The following ATP13A3 variants were observed in gnomAD, a reference collection of about 807,000 sequenced individuals.
ATP13A3 encodes the protein polyamine-transporting ATPase 13A3.
Under a neutral mutation model 158.1 loss-of-function variants are expected in ATP13A3, and 59 were observed. The ratio of observed to expected loss-of-function variants is 0.37; its 90% CI spans 0.30 to 0.46. The LOEUF is 0.46. Among genes scored for constraint, ATP13A3 ranks in the 20% least tolerant of loss-of-function variants. ATP13A3 has a pLI of 1.00. For missense variants in ATP13A3, 1,166 were observed against 1,525.2 expected, an observed-to-expected ratio of 0.76 and a Z score of 3.92; for synonymous variants, 491 against 504.3, an observed-to-expected ratio of 0.97 and a Z score of 0.35.
intron 6 of ATP13A3, among the ~76,000 whole-genome samples, chr3:194,458,477 C>T (rs973655004): frequency 6.6e-6 from 1 of 152,272 alleles, no homozygotes; most frequent in Non-Finnish European, 1.5e-5. Context: ...CAACCTCCGG[C>T]CCCCTGGGTT....
chr3:194,404,735 C>T lies in ATP13A3; in HGVS notation c.*1184G>A, dbSNP rs1714820569. 1 of 152,126 alleles carries T rather than the reference C, an allele frequency of 6.6e-6. No individual in the cohort carries two copies. Among genetic ancestry groups the T allele is most frequent in the Admixed American group, 6.5e-5 (1 of 15,276 alleles). The allele number at this position is 152,126 out of a possible 1,614,324, so 9.4% of individuals were successfully genotyped here. A position where few individuals can be genotyped will look rare whatever the true frequency, so the allele number is the denominator to read the frequency against. ...GGCTCAATGAATGTCAATTTTTTAA[C>T]TTTATTTCCTCAATTTTTTTTCTCC... is the stretch of plus-strand genomic sequence containing the variant. On this transcript the variant is annotated 3_prime_UTR_variant, in exon 34 of 34. Transcript: ENST00000645319.
intron 2 of ATP13A3, 72 bp from the exon 3 acceptor site, chr3:194,462,308 C>T (rs1719719020): frequency 9.5e-7 from 1 of 1,048,566 alleles, no homozygotes; most frequent in South Asian, 1.4e-5. Context: ...TGCATTCTAT[C>T]AACTGTCTAT....
At chr3:194,421,845 A>C (rs1716405628) in intron 30 of ATP13A3, among the ~76,000 whole-genome samples, 1 of 151,422 alleles carries the variant, frequency 6.6e-6, no homozygotes, top group Non-Finnish European at 1.5e-5. Flanking sequence ...AATTCAATGA[A>C]GTAATAAGCC....
chr3:194,483,426 C>CAA (rs1228588078), intron 2 of ATP13A3, among the ~76,000 whole-genome samples: 4 of 120,382 alleles, frequency 3.3e-5, no homozygotes, highest in Non-Finnish European at 1.7e-5. Flanking sequence ...CCCACCTCTA[C>CAA]AAAAAAAAAA....
chr3:194,418,075 A>G (rs1164308547), intron 31 of ATP13A3, among the ~76,000 whole-genome samples: 1 of 152,118 alleles, frequency 6.6e-6, no homozygotes, highest in African/African-American at 2.4e-5. Context: ...GATATAAGAC[A>G]AAGGTATCAC....
At chr3:194,413,985 G>A (rs903403591) in intron 31 of ATP13A3, 146 bp from the exon 32 acceptor site, 13 of 676,822 alleles carry the variant, frequency 1.9e-5, no homozygotes, top group East Asian at 1.3e-4. Flanking sequence ...ACAATGCCCC[G>A]CGGTATATAT....
At chr3:194,441,504 T>C (rs1047749556) in intron 15 of ATP13A3, 43 bp from the exon 16 acceptor site, 2 of 1,550,136 alleles carry the variant, frequency 1.3e-6, no homozygotes, top group Non-Finnish European at 8.8e-7. Flanking sequence ...AATTCTAAGA[T>C]TCAAGATAAT....
At chr3:194,462,640 T>C (rs1719744214) in intron 2 of ATP13A3, among the ~76,000 whole-genome samples, 1 of 152,240 alleles carries the variant, frequency 6.6e-6, no homozygotes, top group Admixed American at 6.5e-5. Context: ...CACTGTTTTA[T>C]ACCATCGAAG....
intron 7 of ATP13A3, 119 bp downstream of exon 7, chr3:194,456,975 T>C (rs1217577963): frequency 7.1e-6 from 4 of 564,224 alleles, no homozygotes; most frequent in African/African-American, 3.9e-5. Flanking sequence ...TCTCAACTAC[T>C]ATGTCTGTAA....
At chr3:194,425,673 A>G in intron 29 of ATP13A3, 144 bp from the exon 30 acceptor site, 3 of 627,104 alleles carry the variant, frequency 4.8e-6, no homozygotes, top group South Asian at 5.0e-5. Flanking sequence ...CAATATCAAT[A>G]TAAGATATAT....
intron 28 of ATP13A3, among the ~76,000 whole-genome samples, chr3:194,428,067 A>G (rs906330111): frequency 1.3e-5 from 2 of 152,028 alleles, no homozygotes; most frequent in African/African-American, 4.8e-5. Context: ...CTAAAAATAT[A>G]AAAATTAGCA....
chr3:194,473,784 C>G (rs774622860), intron 2 of ATP13A3, among the ~76,000 whole-genome samples: 1 of 151,976 alleles, frequency 6.6e-6, no homozygotes, highest in Non-Finnish European at 1.5e-5. Context: ...CCCACCTGAA[C>G]GTCCATCAAT....
chr3:194,441,205 T>TA (rs1718029829), intron 16 of ATP13A3, 106 bp downstream of exon 16: 1 of 893,704 alleles, frequency 1.1e-6, no homozygotes, highest in African/African-American at 1.7e-5. Context: ...GGGTACAAGA[T>TA]AGACTGTCAT....
chr3:194,425,266 C>CA, intron 30 of ATP13A3, 76 bp downstream of exon 30: 1 of 1,301,980 alleles, frequency 7.7e-7, no homozygotes, highest in Non-Finnish European at 1.1e-6. Context: ...GTGGCAAAGA[C>CA]AGTTATAATT....
At chr3:194,445,065 A>T (rs562310406) in intron 14 of ATP13A3, among the ~76,000 whole-genome samples, 2 of 152,296 alleles carry the variant, frequency 1.3e-5, no homozygotes, top group East Asian at 3.9e-4. Context: ...CTATCAAAAA[A>T]AAAATCAATG....
chr3:194,413,835 A>G lies in ATP13A3; in HGVS notation c.3407T>C (p.Val1136Ala), dbSNP rs749461330. The G allele has an allele frequency of 6.2e-7, 1 of 1,612,138 alleles. No homozygotes were observed. Among genetic ancestry groups the G allele is most frequent in the South Asian group, 1.1e-5 (1 of 91,040 alleles). ...TACACGCCACTGATATGGTACACAC[A>G]CTATCTGTAATGCAAAAACATTTTA... ...VASVDQVLQI[V>A]CVPYQWRVTM... The change falls in exon 32 of 34, where the codon GTG becomes GCG. Residue 1136 changes from valine (V) to alanine (A), a missense_variant. By Grantham distance (64) the Val-to-Ala change is moderately conservative. Around this residue, in one of 3 missense-constraint regions of ATP13A3, gnomAD observed 997 missense variants for 1,341.2 expected, o/e 0.74. Transcript: ENST00000645319.
At chr3:194,432,233 C>A (rs1171250993) in intron 21 of ATP13A3, among the ~76,000 whole-genome samples, 2 of 152,176 alleles carry the variant, frequency 1.3e-5, no homozygotes, top group Non-Finnish European at 2.9e-5. Context: ...TAAATACTTA[C>A]CGAAATAACT....
chr3:194,484,392 C>T (rs1457158324), intron 2 of ATP13A3, among the ~76,000 whole-genome samples: 2 of 152,042 alleles, frequency 1.3e-5, no homozygotes, highest in Non-Finnish European at 2.9e-5. Flanking sequence ...GCTTGTATAA[C>T]GTGGTGGTTT....
At chr3:194,461,036 A>AT (rs1719619681) in intron 3 of ATP13A3, among the ~76,000 whole-genome samples, 1 of 152,032 alleles carries the variant, frequency 6.6e-6, no homozygotes, top group Admixed American at 6.6e-5. Context: ...ATTTGTTGGT[A>AT]TTTACACTTT....
Sources: gnomAD v4.1 joint callset for allele counts (sites outside exome capture counted in the v4.1 genomes callset) on GRCh38, gnomAD v4.1.1 for gene constraint, gnomAD v4.1.1 regional missense constraint, MANE v1.5 for transcripts, NCBI Gene and HGNC (gene_info 2026-07-23, HGNC 2026-07-21) for gene names.